The following ANKRD27 variants were observed in gnomAD, a reference collection of about 807,000 sequenced individuals.
ANKRD27 encodes the protein ankyrin repeat domain-containing protein 27.
Under a neutral mutation model 129.7 loss-of-function variants are expected in ANKRD27, and 112 were observed. That is an observed-to-expected ratio of 0.86 (90% confidence interval 0.74 to 1.01). The LOEUF (loss-of-function observed/expected upper bound fraction) is 1.01. ANKRD27 is among the 50% of genes least tolerant of loss of function. The probability of loss-of-function intolerance (pLI) is 0.00; values close to 1 mark genes in which losing one functional copy is unlikely to be tolerated. For missense variants in ANKRD27, 1,258 were observed against 1,300.5 expected (o/e 0.97, Z 0.50); for synonymous variants, 516 against 511.2 (o/e 1.01, Z -0.13).
chr19:32,615,456 T>C (rs1031856369), intron 22 of ANKRD27, among the ~76,000 whole-genome samples: 2 of 152,146 alleles, frequency 1.3e-5, no homozygotes, highest in African/African-American at 2.4e-5. Flanking sequence ...TGGTGGTGCA[T>C]GCCTGTGGTC....
Position 32,598,230 on chromosome 19 carries a change from G to A in ANKRD27, c.3068C>T (p.Thr1023Met), listed in dbSNP as rs774137684. The A allele has an allele frequency of 7.4e-6, 12 of 1,614,030 alleles. No individual in the cohort carries two copies. In the East Asian group the frequency reaches 1.1e-4, roughly 15 times the overall value. The change falls in exon 29 of 29, where the codon ACG becomes ATG. Residue 1023 changes from threonine (T) to methionine (M), a missense_variant. Thr to Met is a moderately conservative substitution (Grantham distance 81). Coordinates refer to ENST00000306065, the MANE Select transcript of ANKRD27 (RefSeq NM_032139.3). ...CTGGGACACGACCGCATCCTCTACC[G>A]TGTGTCTCCGCAGCATCCGTCTGTG... ...PGHRRMLRRH[T>M]VEDAVVSQGP...
chr19:32,646,661 C>T (rs1250455824), intron 3 of ANKRD27, 46 bp from the exon 4 acceptor site: 5 of 1,592,938 alleles, frequency 3.1e-6, no homozygotes, highest in Non-Finnish European at 4.3e-6. Context: ...GGGGCAACCA[C>T]ATCCCACTCT....
intron 4 of ANKRD27, 102 bp downstream of exon 4, chr19:32,646,357 C>CCATACCCGG: frequency 8.1e-7 from 1 of 1,239,990 alleles, no homozygotes; most frequent in Non-Finnish European, 1.1e-6. Context: ...GCGCGAGCCA[C>CCATACCCGG]CATACCCGGC....
intron 2 of ANKRD27, among the ~76,000 whole-genome samples, chr19:32,658,261 A>C (rs1291812413): frequency 6.6e-6 from 1 of 152,180 alleles, no homozygotes; most frequent in Non-Finnish European, 1.5e-5. Flanking sequence ...CCGTCTAAGT[A>C]GGATGCCCGC....
chr19:32,671,576 T>C (rs1006048290), intron 1 of ANKRD27, among the ~76,000 whole-genome samples: 7 of 151,806 alleles, frequency 4.6e-5, no homozygotes, highest in Admixed American at 2.0e-4. Context: ...ACACCTATAA[T>C]CCCAGCTACT....
At chr19:32,642,986 G>C (rs976699813) in intron 9 of ANKRD27, 137 bp downstream of exon 9, 1 of 818,820 alleles carries the variant, frequency 1.2e-6, no homozygotes, top group Non-Finnish European at 2.0e-6. Flanking sequence ...ATCTTTGGTT[G>C]CAAGTAACTG....
chr19:32,659,074 T>C, intron 1 of ANKRD27, 29 bp from the exon 2 acceptor site: 1 of 1,230,352 alleles, frequency 8.1e-7, no homozygotes, highest in Non-Finnish European at 1.2e-6. Context: ...AAGCAGTGAA[T>C]AGCCATTTTC....
intron 23 of ANKRD27, 72 bp from the exon 24 acceptor site, chr19:32,606,026 AAAAT>A (rs10645270): frequency 7.3e-5 from 91 of 1,250,522 alleles, no homozygotes; most frequent in South Asian, 5.1e-4. Flanking sequence ...AAAATTATGA[AAAAT>A]AAATAAATAA....
At position 32,646,616 on chromosome 19, in the gene ANKRD27, C is replaced by G; in HGVS notation, c.214-1G>C. Reference sequence around the variant, plus strand: ...TCCTGTTCCCTTGAATAAAGACATCCTGGAAACAAGAAAGCCATCACTGCA... The same window carrying G: ...TCCTGTTCCCTTGAATAAAGACATCGTGGAAACAAGAAAGCCATCACTGCA... On this transcript the variant is annotated splice_acceptor_variant, in intron 3 of 28. Transcript: ENST00000306065. LOFTEE classifies it high-confidence loss of function. The G allele has an allele frequency of 5.6e-6, 9 of 1,611,450 alleles. No individual in the cohort carries two copies. Among genetic ancestry groups the G allele is most frequent in the Non-Finnish European group, 6.8e-6 (8 of 1,179,082 alleles).
In ANKRD27 at chr19:32,626,041, G is replaced by A. The variant is rs545266239; in HGVS notation, c.1537-75C>T. ...AGGCCCGGCCTCCAGTCTTAGCAGG[G>A]GGAGGTCATTTGCTCCCATCTTCGA... On this transcript the variant is annotated intron_variant, in intron 16 of 28. Coordinates refer to ENST00000306065, the MANE Select transcript of ANKRD27 (RefSeq NM_032139.3). 27 of 1,243,108 alleles carry A rather than the reference G, an allele frequency of 2.2e-5. No individual in the cohort carries two copies. In the South Asian group the frequency reaches 4.1e-4, roughly 19 times the overall value. 77.0% of individuals were successfully genotyped at this position (1,243,108 alleles called of 1,614,324 possible). A position where few individuals can be genotyped will look rare whatever the true frequency, so the allele number is the denominator to read the frequency against.
chr19:32,656,058 G>GA (rs113775250), intron 2 of ANKRD27, among the ~76,000 whole-genome samples: 1 of 29,070 alleles, frequency 3.4e-5, no homozygotes, highest in Admixed American at 3.1e-4. Flanking sequence ...AGAAAAGAAA[G>GA]AAAAGAAAGA....
chr19:32,631,767 A>G (rs1326964578), intron 12 of ANKRD27, among the ~76,000 whole-genome samples: 2 of 152,194 alleles, frequency 1.3e-5, no homozygotes, highest in Admixed American at 6.5e-5. Flanking sequence ...TGCCATCTCC[A>G]GCGTGGAATG....
intron 14 of ANKRD27, 28 bp downstream of exon 14, chr19:32,628,694 C>T (rs901821296): frequency 6.2e-7 from 1 of 1,612,856 alleles, no homozygotes; most frequent in Non-Finnish European, 8.5e-7. Flanking sequence ...CTTCCTGGCA[C>T]TCTGAGCCTC....
intron 10 of ANKRD27, 80 bp downstream of exon 10, chr19:32,641,944 C>T (rs1967209174): frequency 1.4e-6 from 2 of 1,475,836 alleles, no homozygotes; most frequent in African/African-American, 1.4e-5. Flanking sequence ...CATAAAAATC[C>T]CTTAAGACAG....
At chr19:32,648,865 G>A (rs1368933680) in intron 3 of ANKRD27, among the ~76,000 whole-genome samples, 2 of 151,752 alleles carry the variant, frequency 1.3e-5, no homozygotes, top group Non-Finnish European at 2.9e-5. Flanking sequence ...AACCAATGTG[G>A]CAAGAATGTT....
chr19:32,631,883 T>C (rs980992456), intron 12 of ANKRD27, among the ~76,000 whole-genome samples: 1 of 152,240 alleles, frequency 6.6e-6, no homozygotes, highest in Non-Finnish European at 1.5e-5. Flanking sequence ...TTCCCTGCTG[T>C]CTTATCTGAG....
chr19:32,665,674 T>C lies in ANKRD27; in HGVS notation c.-30-6629A>G, dbSNP rs1173550414. ...TGGGGTTTCGCTGTGTTAGCCAGGA[T>C]GGTCTCGATCTCCTGACCTCGTGAT... On this transcript the variant is annotated intron_variant, in intron 1 of 28. Coordinates refer to ENST00000306065, the MANE Select transcript of ANKRD27 (RefSeq NM_032139.3). Among the ~76,000 whole-genome samples the C allele has an allele frequency of 2.0e-5, 3 of 152,074 alleles. No individual in the cohort carries two copies. The South Asian group carries it at 6.2e-4, about 32-fold the overall frequency.
chr19:32,630,838 C>A (rs1966979872), intron 13 of ANKRD27, among the ~76,000 whole-genome samples: 1 of 152,066 alleles, frequency 6.6e-6, no homozygotes. Context: ...CATGATGTTA[C>A]CCAGGCTGGT....
At chr19:32,664,428 T>C (rs1967707179) in intron 1 of ANKRD27, among the ~76,000 whole-genome samples, 2 of 151,624 alleles carry the variant, frequency 1.3e-5, no homozygotes, top group Admixed American at 1.3e-4. Flanking sequence ...TTCAAGACCC[T>C]GGCCAACATC....
Sources: gnomAD v4.1 joint callset for allele counts (sites outside exome capture counted in the v4.1 genomes callset) on GRCh38, gnomAD v4.1.1 for gene constraint, MANE v1.5 for transcripts, NCBI Gene and HGNC (gene_info 2026-07-23, HGNC 2026-07-21) for gene names.